CNTNAP2: variants seen among roughly 807,000 people sequenced by gnomAD.
CNTNAP2 encodes the protein contactin-associated protein-like 2.
In CNTNAP2, 98 loss-of-function variants were observed where a neutral mutation model predicts 155.2. The observed-to-expected ratio is 0.63, with a 90% CI of 0.54 to 0.75. CNTNAP2 has a LOEUF of 0.75. Ranked by LOEUF, CNTNAP2 falls within the 30% of genes least tolerant of loss-of-function variation. The pLI is 0.00. For synonymous variants in CNTNAP2, 651 were observed against 631.2 expected, an observed-to-expected ratio of 1.03 and a Z score of -0.47; for missense variants, 1,727 against 1,688.1, an observed-to-expected ratio of 1.02 and a Z score of -0.40.
At chr7:147,149,618 G>T (rs1375862169) in intron 8 of CNTNAP2, among the ~76,000 whole-genome samples, 1 of 152,152 alleles carries the variant, frequency 6.6e-6, no homozygotes, top group African/African-American at 2.4e-5. Flanking sequence ...TTAAAAGATA[G>T]CTCTATCTAC....
chr7:147,249,621 A>AC (rs1391381350), intron 8 of CNTNAP2, among the ~76,000 whole-genome samples: 1 of 150,116 alleles, frequency 6.7e-6, no homozygotes, highest in Admixed American at 6.7e-5. Flanking sequence ...AAAAAAAAAA[A>AC]AAAAGGTTTC....
rs1487295424 is a variant in CNTNAP2 at position 146,550,952 on chromosome 7, GA to G, written c.98-223313del. ...GGAGGAGAGGTTTATAAGCAGGAGG[GA>G]AAAAATAAGAATAATACCATGTTGA... On this transcript the variant is annotated intron_variant, in intron 1 of 23. Coordinates refer to ENST00000361727, the MANE Select transcript of CNTNAP2 (RefSeq NM_014141.6). Among the ~76,000 whole-genome samples, 3 of 151,946 alleles carry G rather than the reference GA, an allele frequency of 2.0e-5. No individual in the cohort carries two copies. The East Asian group carries it at 5.8e-4, about 29-fold the overall frequency.
At chr7:146,159,244 T>G (rs1798178350) in intron 1 of CNTNAP2, among the ~76,000 whole-genome samples, 1 of 152,142 alleles carries the variant, frequency 6.6e-6, no homozygotes, top group South Asian at 2.1e-4. Flanking sequence ...AAGGAAGCGC[T>G]AAACATGGAA....
At chr7:146,155,942 G>A (rs1243923487) in intron 1 of CNTNAP2, among the ~76,000 whole-genome samples, 1 of 151,856 alleles carries the variant, frequency 6.6e-6, no homozygotes, top group Non-Finnish European at 1.5e-5. Context: ...GGCCTCAGGT[G>A]ATCCTCCCAC....
At chr7:147,842,594 T>C (rs1175893180) in intron 13 of CNTNAP2, among the ~76,000 whole-genome samples, 1 of 137,166 alleles carries the variant, frequency 7.3e-6, no homozygotes, top group Non-Finnish European at 1.5e-5. Flanking sequence ...TTTCTTTTTT[T>C]TTTTTTTTTT....
intron 20 of CNTNAP2, among the ~76,000 whole-genome samples, chr7:148,238,335 G>A (rs749167807): frequency 9.2e-5 from 14 of 151,956 alleles, no homozygotes; most frequent in Non-Finnish European, 1.6e-4. Flanking sequence ...GTGACAGAGC[G>A]AAACTCCATC....
At chr7:148,118,716 T>A (rs775182198) in intron 16 of CNTNAP2, among the ~76,000 whole-genome samples, 46 of 152,034 alleles carry the variant, frequency 3.0e-4, no homozygotes, top group Admixed American at 7.2e-4. Context: ...GACATCCGTG[T>A]GAGTTCAGGA....
At chr7:146,610,039 G>A (rs1799108660) in intron 1 of CNTNAP2, among the ~76,000 whole-genome samples, 1 of 152,158 alleles carries the variant, frequency 6.6e-6, no homozygotes, top group South Asian at 2.1e-4. Context: ...AACACTAAAG[G>A]CTGAAACTCG....
chr7:147,959,159 G>A (rs562034523), intron 14 of CNTNAP2, among the ~76,000 whole-genome samples: 1 of 152,238 alleles, frequency 6.6e-6, no homozygotes, highest in Non-Finnish European at 1.5e-5. Flanking sequence ...AGCAATCTTA[G>A]GAACTTCAGC....
chr7:147,565,909 C>G (rs1800160537), intron 12 of CNTNAP2, among the ~76,000 whole-genome samples: 1 of 151,956 alleles, frequency 6.6e-6, no homozygotes, highest in Admixed American at 6.6e-5. Context: ...CAATTATTAG[C>G]ATATTAATAT....
chr7:146,456,046 G>GT (rs1161203956), intron 1 of CNTNAP2, among the ~76,000 whole-genome samples: 1 of 151,950 alleles, frequency 6.6e-6, no homozygotes, highest in Non-Finnish European at 1.5e-5. Context: ...CAAGTGGAGA[G>GT]TTTTTTCTTA....
chr7:148,008,306 A>G lies in CNTNAP2; in HGVS notation c.2383+30317A>G, dbSNP rs1169617889. Among the ~76,000 whole-genome samples, 8 of 152,308 alleles carry G rather than the reference A, an allele frequency of 5.3e-5. No individual in the cohort carries two copies. In the East Asian group the frequency reaches 1.5e-3, roughly 29 times the overall value. ...AGAATTGCTTGAACCTGGGAGGCAG[A>G]GGTTGCAGTGAGTGGAGATCACGCC... On this transcript the variant is annotated intron_variant, in intron 15 of 23. Coordinates refer to ENST00000361727, the MANE Select transcript of CNTNAP2 (RefSeq NM_014141.6).
chr7:148,194,242 C>T (rs757956406), intron 18 of CNTNAP2, among the ~76,000 whole-genome samples: 2 of 151,800 alleles, frequency 1.3e-5, no homozygotes, highest in African/African-American at 2.4e-5. Flanking sequence ...AAGCAATCCA[C>T]CTGCTTTGGT....
intron 8 of CNTNAP2, among the ~76,000 whole-genome samples, chr7:147,235,681 T>C (rs773573019): frequency 6.6e-6 from 1 of 152,190 alleles, no homozygotes; most frequent in Non-Finnish European, 1.5e-5. Context: ...ATTTAACCCA[T>C]GGGAGCCCCT....
intron 10 of CNTNAP2, among the ~76,000 whole-genome samples, chr7:147,398,648 G>T (rs533482301): frequency 1.8e-5 from 2 of 109,372 alleles, no homozygotes; most frequent in Non-Finnish European, 3.6e-5. Context: ...TTTTGTTCAC[G>T]TGCTTATTTT....
chr7:146,863,472 A>C (rs1251920780), intron 3 of CNTNAP2, among the ~76,000 whole-genome samples: 1 of 152,082 alleles, frequency 6.6e-6, no homozygotes, highest in Non-Finnish European at 1.5e-5. Context: ...AAATGTCCAC[A>C]TGGTATTTCC....
intron 1 of CNTNAP2, among the ~76,000 whole-genome samples, chr7:146,414,842 T>C (rs1419007741): frequency 1.3e-5 from 2 of 152,178 alleles, no homozygotes; most frequent in Non-Finnish European, 1.5e-5. Context: ...AGGTCCCCTT[T>C]TGGCATAGAG....
intron 14 of CNTNAP2, among the ~76,000 whole-genome samples, chr7:147,937,131 A>C (rs1800625621): frequency 6.6e-6 from 1 of 152,060 alleles, no homozygotes; most frequent in East Asian, 1.9e-4. Flanking sequence ...GCTTGACTTA[A>C]GAGGAGGAAG....
At chr7:147,547,896 A>G (rs1799772219) in intron 11 of CNTNAP2, among the ~76,000 whole-genome samples, 1 of 152,084 alleles carries the variant, frequency 6.6e-6, no homozygotes, top group Non-Finnish European at 1.5e-5. Context: ...GCTAAGGATG[A>G]TGGCTTCCAG....
Sources: gnomAD v4.1 joint callset for allele counts (sites outside exome capture counted in the v4.1 genomes callset) on GRCh38, gnomAD v4.1.1 for gene constraint, MANE v1.5 for transcripts, NCBI Gene and HGNC (gene_info 2026-07-23, HGNC 2026-07-21) for gene names.